The following CTNND2 variants were observed in gnomAD, a reference collection of about 807,000 sequenced individuals.
CTNND2 encodes the protein catenin delta 2.
CTNND2 carries 22 observed loss-of-function variants against 144.4 expected under a neutral mutation model. The ratio of observed to expected loss-of-function variants is 0.15; its 90% CI spans 0.11 to 0.22. CTNND2 has a LOEUF of 0.22. Among genes scored for constraint, CTNND2 ranks in the 10% least tolerant of loss-of-function variants. The pLI is 1.00. For missense variants in CTNND2, 1,353 were observed against 1,618.8 expected (o/e 0.84, Z 2.82); for synonymous variants, 751 against 695.6 (o/e 1.08, Z -1.25).
At chr5:11,447,992 C>T (rs957467933) in intron 3 of CTNND2, among the ~76,000 whole-genome samples, 1 of 152,106 alleles carries the variant, frequency 6.6e-6, no homozygotes, top group African/African-American at 2.4e-5. Context: ...TATAGAAACT[C>T]GGAGTTGAAA....
intron 3 of CTNND2, among the ~76,000 whole-genome samples, chr5:11,511,629 T>A (rs529010005): frequency 5.1e-4 from 77 of 152,334 alleles, no homozygotes; most frequent in African/African-American, 1.8e-3. Context: ...ATTATTTTTT[T>A]ATTTTATCCT....
At chr5:11,367,457 C>T (rs1757089312) in intron 7 of CTNND2, among the ~76,000 whole-genome samples, 1 of 152,172 alleles carries the variant, frequency 6.6e-6, no homozygotes, top group Non-Finnish European at 1.5e-5. Flanking sequence ...TGGGAATCTG[C>T]TACAAAATGT....
intron 7 of CTNND2, among the ~76,000 whole-genome samples, chr5:11,378,659 G>A (rs1758170893): frequency 6.6e-6 from 1 of 152,184 alleles, no homozygotes; most frequent in Admixed American, 6.6e-5. Flanking sequence ...CAGATATCAT[G>A]TTGCATTTTG....
chr5:11,561,969 C>A (rs1561559515), intron 3 of CTNND2, among the ~76,000 whole-genome samples: 1 of 151,912 alleles, frequency 6.6e-6, no homozygotes, highest in South Asian at 2.1e-4. Context: ...TCCCTTGAAC[C>A]CAGGAGGGGG....
intron 1 of CTNND2, among the ~76,000 whole-genome samples, chr5:11,888,624 G>A (rs1444827146): frequency 2.0e-5 from 3 of 152,050 alleles, no homozygotes; most frequent in Non-Finnish European, 4.4e-5. Flanking sequence ...AAAATAATTA[G>A]AATAGTTATT....
At chr5:11,616,632 T>C (rs1473108766) in intron 2 of CTNND2, among the ~76,000 whole-genome samples, 1 of 150,804 alleles carries the variant, frequency 6.6e-6, no homozygotes, top group Non-Finnish European at 1.5e-5. Flanking sequence ...TTTTTTGATG[T>C]AGTCTCATTC....
intron 18 of CTNND2, among the ~76,000 whole-genome samples, chr5:11,007,312 T>A (rs1365254849): frequency 3.3e-5 from 5 of 152,236 alleles, no homozygotes; most frequent in African/African-American, 1.2e-4. Flanking sequence ...TGTATACTTT[T>A]ATTTTATGCT....
chr5:11,575,857 C>T (rs1432194220), intron 2 of CTNND2, among the ~76,000 whole-genome samples: 1 of 152,042 alleles, frequency 6.6e-6, no homozygotes, highest in Non-Finnish European at 1.5e-5. Flanking sequence ...CCTTGTGATT[C>T]TTATACTTTC....
chr5:11,228,590 A>T (rs1051681069), intron 10 of CTNND2, among the ~76,000 whole-genome samples: 1 of 150,962 alleles, frequency 6.6e-6, no homozygotes, highest in Non-Finnish European at 1.5e-5. Flanking sequence ...GGCTCAAGAG[A>T]TCCTCCTGCC....
At chr5:11,901,849 AAGAATGAAACACT>A (rs1737916284) in intron 1 of CTNND2, among the ~76,000 whole-genome samples, 1 of 152,230 alleles carries the variant, frequency 6.6e-6, no homozygotes, top group Non-Finnish European at 1.5e-5. Context: ...AATCATGTTT[AAGAATGAAACACT>A]AGGCTCAAAA....
At chr5:11,735,463 C>T (rs1370747728) in intron 1 of CTNND2, among the ~76,000 whole-genome samples, 2 of 152,226 alleles carry the variant, frequency 1.3e-5, no homozygotes, top group African/African-American at 4.8e-5. Flanking sequence ...CTGAGAAAGC[C>T]GCCGTGACCT....
chr5:11,594,930 T>C (rs1418301527), intron 2 of CTNND2, among the ~76,000 whole-genome samples: 1 of 152,254 alleles, frequency 6.6e-6, no homozygotes, highest in African/African-American at 2.4e-5. Flanking sequence ...TTTTGGCTTC[T>C]TATTTTCTGA....
intron 11 of CTNND2, among the ~76,000 whole-genome samples, chr5:11,189,496 G>T (rs1736026030): frequency 6.6e-6 from 1 of 151,950 alleles, no homozygotes; most frequent in South Asian, 2.1e-4. Flanking sequence ...ACCTTATGAG[G>T]ATCCACTCTT....
At chr5:11,346,270 A>G in intron 9 of CTNND2, 102 bp downstream of exon 9, 1 of 1,182,972 alleles carries the variant, frequency 8.5e-7, no homozygotes, top group Non-Finnish European at 1.1e-6. Flanking sequence ...CCAACCCTTT[A>G]ATAGTCAGTG....
chr5:11,710,620 G>A (rs1056400051), intron 2 of CTNND2, among the ~76,000 whole-genome samples: 5 of 151,576 alleles, frequency 3.3e-5, no homozygotes, highest in Admixed American at 6.6e-5. Flanking sequence ...TTTCTCCTTC[G>A]TTGGCCTATT....
At chr5:11,125,512 T>C (rs996854593) in intron 12 of CTNND2, among the ~76,000 whole-genome samples, 7 of 152,220 alleles carry the variant, frequency 4.6e-5, no homozygotes, top group African/African-American at 1.7e-4. Flanking sequence ...ACAGGGGATC[T>C]GCAGTGACAC....
intron 8 of CTNND2, among the ~76,000 whole-genome samples, chr5:11,352,290 T>C (rs1755406521): frequency 6.6e-6 from 1 of 152,164 alleles, no homozygotes; most frequent in Admixed American, 6.5e-5. Flanking sequence ...TCAAACTGAA[T>C]GTGGGATCAT....
At chr5:11,095,247 C>T (rs898882020) in intron 15 of CTNND2, among the ~76,000 whole-genome samples, 7 of 152,186 alleles carry the variant, frequency 4.6e-5, no homozygotes, top group Admixed American at 1.3e-4. Context: ...ACAGTAGGAA[C>T]CGCAGAACTG....
At position 11,136,446 on chromosome 5, in the gene CTNND2, A is replaced by G. The variant is rs561616468; in HGVS notation, c.2160-18879T>C. Reference sequence around the variant, plus strand: ...AGATAAAATGAAAAAGGCAAGAATGAAAAAAGGAGATAAAAATGAAATGGG... The same window carrying G: ...AGATAAAATGAAAAAGGCAAGAATGGAAAAAGGAGATAAAAATGAAATGGG... On this transcript the variant is annotated intron_variant, in intron 12 of 21. Transcript: ENST00000304623. Among the ~76,000 whole-genome samples, 1,039 of 152,210 alleles carry G rather than the reference A, an allele frequency of 6.8e-3. 8 individuals carry two copies. Among genetic ancestry groups the G allele is most frequent in the Non-Finnish European group, 0.011 (766 of 68,028 alleles).
Sources: allele counts gnomAD v4.1 joint callset (sites outside exome capture counted in the v4.1 genomes callset), GRCh38; gene constraint gnomAD v4.1.1; transcripts MANE v1.5; gene names NCBI Gene and HGNC (gene_info 2026-07-23, HGNC 2026-07-21).